The following PCDH15 variants were observed in gnomAD, a reference collection of about 807,000 sequenced individuals.
PCDH15 encodes the protein protocadherin related 15, also known as protocadherin-15.
Under a neutral mutation model 178.5 loss-of-function variants are expected in PCDH15, and 129 were observed. That is an observed-to-expected ratio of 0.72 (90% CI 0.63 to 0.84). The LOEUF (loss-of-function observed/expected upper bound fraction) is 0.84. Ranked by LOEUF, PCDH15 falls within the 40% of genes least tolerant of loss-of-function variation. The pLI is 0.00. For synonymous variants in PCDH15, 800 were observed against 732.0 expected, an observed-to-expected ratio of 1.09 and a Z score of -1.50; for missense variants, 2,230 against 2,099.9, an observed-to-expected ratio of 1.06 and a Z score of -1.21.
rs200878607 is a variant in PCDH15, at chr10:55,499,404, TACACACACACACACAC to T, written c.-156+128205_-156+128220del. Among the ~76,000 whole-genome samples the T allele has an allele frequency of 6.2e-3, 840 of 136,386 alleles. 9 individuals are homozygous for T. The highest frequency in any genetic ancestry group is 0.021 in the African/African-American group (797 of 37,250). The allele number at this position is 136,386 out of a possible 152,430, so 89.5% of individuals were successfully genotyped here. A position where few individuals can be genotyped will look rare whatever the true frequency, so the allele number is the denominator to read the frequency against. On this transcript the variant is annotated intron_variant, in intron 2 of 5. Transcript: ENST00000613346. The stretch of plus-strand genomic sequence containing the variant: ...CTATCTTCTTTTTATAGACTCTCCC[TACACACACACACACAC>T]ACACACACACACACACACACACACA...
At chr10:55,109,647 C>G (rs1837447966) in intron 2 of PCDH15, among the ~76,000 whole-genome samples, 1 of 152,066 alleles carries the variant, frequency 6.6e-6, no homozygotes, top group Non-Finnish European at 1.5e-5. Context: ...AAATTATTTT[C>G]ATTGTCTAAT....
At chr10:54,757,057 T>C (rs1303810121) in intron 1 of PCDH15, among the ~76,000 whole-genome samples, 2 of 152,216 alleles carry the variant, frequency 1.3e-5, no homozygotes, top group Non-Finnish European at 2.9e-5. Flanking sequence ...TAAATGTCTT[T>C]TGATAGCATG....
chr10:55,564,730 T>C (rs1006273884), intron 2 of PCDH15, among the ~76,000 whole-genome samples: 1 of 151,564 alleles, frequency 6.6e-6, no homozygotes, highest in Admixed American at 6.6e-5. Context: ...CCAGATAAAA[T>C]AGACTTTAAA....
chr10:54,421,086 C>T lies in PCDH15; in HGVS notation c.158-42144G>A, dbSNP rs112087939. Among the ~76,000 whole-genome samples, 384 of 152,128 alleles carry T rather than the reference C, an allele frequency of 2.5e-3. 2 individuals are homozygous for T. Among genetic ancestry groups the T allele is most frequent in the Middle Eastern group, 6.8e-3 (2 of 292 alleles). On this transcript the variant is annotated intron_variant, in intron 3 of 37. Coordinates refer to ENST00000644397, the MANE Select transcript of PCDH15 (RefSeq NM_001384140.1). The stretch of plus-strand genomic sequence containing the variant: ...TTCAGTTACTTAATATTATGTTTTG[C>T]CTCAATAAATAATAGTACTTTCTCT...
intron 2 of PCDH15, among the ~76,000 whole-genome samples, chr10:55,069,673 A>G (rs1051201994): frequency 9.0e-5 from 13 of 144,358 alleles, no homozygotes; most frequent in African/African-American, 2.8e-4. Context: ...AATCCAGTCT[A>G]TCATTGTTGG....
intron 1 of PCDH15, among the ~76,000 whole-genome samples, chr10:55,310,004 T>C (rs1843539009): frequency 6.6e-6 from 1 of 152,154 alleles, no homozygotes; most frequent in Admixed American, 6.5e-5. Flanking sequence ...TTTCCTCCCA[T>C]CCTTGAAATG....
At chr10:53,981,014 CAAT>C in intron 21 of PCDH15, among the ~76,000 whole-genome samples, 1 of 151,930 alleles carries the variant, frequency 6.6e-6, no homozygotes, top group Admixed American at 6.6e-5. Context: ...GTGTAAAATT[CAAT>C]AATTATGAGT....
chr10:55,324,046 T>A (rs903085398), upstream of PCDH15, among the ~76,000 whole-genome samples: 22 of 151,808 alleles, frequency 1.4e-4, no homozygotes, highest in African/African-American at 5.3e-4. Context: ...CAAATGGGAG[T>A]TCCACTGCAC....
chr10:53,905,796 G>A (rs1223118915), intron 25 of PCDH15, among the ~76,000 whole-genome samples: 10 of 151,878 alleles, frequency 6.6e-5, no homozygotes, highest in Non-Finnish European at 1.3e-4. Flanking sequence ...AAAGGCCTAT[G>A]GATAACCCAA....
chr10:54,274,326 T>C (rs554586161), intron 8 of PCDH15, among the ~76,000 whole-genome samples: 1 of 152,074 alleles, frequency 6.6e-6, no homozygotes. Context: ...CCACCCACTT[T>C]GTAGTCTTAC....
chr10:55,281,537 T>C (rs1842733914), intron 1 of PCDH15, among the ~76,000 whole-genome samples: 1 of 152,134 alleles, frequency 6.6e-6, no homozygotes, highest in African/African-American at 2.4e-5. Flanking sequence ...AGATTCCGCC[T>C]ACCCTTTTTA....
At chr10:55,376,002 GTTTAGGACCATA>G (rs1445462970) in intron 2 of PCDH15, among the ~76,000 whole-genome samples, 1 of 151,450 alleles carries the variant, frequency 6.6e-6, no homozygotes, top group Non-Finnish European at 1.5e-5. Context: ...TAACATTTTA[GTTTAGGACCATA>G]TTTATCACAC....
At chr10:54,817,779 T>G (rs1236546855) in intron 3 of PCDH15, among the ~76,000 whole-genome samples, 1 of 152,054 alleles carries the variant, frequency 6.6e-6, no homozygotes, top group Non-Finnish European at 1.5e-5. Context: ...AATGCTAAAT[T>G]TACTAAGAGA....
intron 2 of PCDH15, among the ~76,000 whole-genome samples, chr10:55,046,348 T>A (rs1841005416): frequency 6.6e-6 from 1 of 151,944 alleles, no homozygotes; most frequent in African/African-American, 2.4e-5. Context: ...TGTGGTGATA[T>A]CTGAATGGTG....
At position 54,515,757 on chromosome 10, in the gene PCDH15, G is replaced by A. The variant is rs376630456; in HGVS notation, c.157+12055C>T. ...GTAGGGGCAGACTGACACCTCACACGGTCGGGTACTCCTCTGAGACAAAAC... is the reference window on the plus strand; with the variant it reads ...GTAGGGGCAGACTGACACCTCACACAGTCGGGTACTCCTCTGAGACAAAAC... On this transcript the variant is annotated intron_variant, in intron 3 of 37. Coordinates refer to ENST00000644397, the MANE Select transcript of PCDH15 (RefSeq NM_001384140.1). Among the ~76,000 whole-genome samples the A allele has an allele frequency of 1.7e-3, 259 of 152,322 alleles. 9 individuals carry two copies. The South Asian group carries it at 0.051, about 30-fold the overall frequency.
At chr10:55,008,584 G>A (rs1806394409) in intron 2 of PCDH15, among the ~76,000 whole-genome samples, 1 of 152,002 alleles carries the variant, frequency 6.6e-6, no homozygotes, top group African/African-American at 2.4e-5. Context: ...GTATTTGTAG[G>A]GTGGCAGAGT....
At chr10:54,608,001 T>C (rs768180667) in intron 2 of PCDH15, 7 of 474,152 alleles carry the variant, frequency 1.5e-5, no homozygotes, top group Admixed American at 2.5e-5. Flanking sequence ...ATTTTGGTTA[T>C]TGTGAGAAGA....
intron 18 of PCDH15, among the ~76,000 whole-genome samples, chr10:54,045,025 C>T (rs780683229): frequency 9.9e-5 from 15 of 152,058 alleles, no homozygotes; most frequent in Admixed American, 5.2e-4. Flanking sequence ...ATATACAGTA[C>T]CACCCAGCAG....
rs1837946313 is a variant in PCDH15 at position 55,128,013 on chromosome 10, T to C, written c.-80+38563A>G. On this transcript the variant is annotated intron_variant, in intron 2 of 5. Transcript: ENST00000458638. ...GTCTCTTTCTCCTCAGACTGGAGTA[T>C]ATTCAAGACTTTCCCCAGGCAATAA... Among the ~76,000 whole-genome samples, 3 of 152,186 alleles carry C rather than the reference T, an allele frequency of 2.0e-5. No individual in the cohort carries two copies. The South Asian group carries it at 6.2e-4, about 32-fold the overall frequency.
Sources: allele counts gnomAD v4.1 joint callset (sites outside exome capture counted in the v4.1 genomes callset), GRCh38; gene constraint gnomAD v4.1.1; transcripts MANE v1.5; gene names NCBI Gene and HGNC (gene_info 2026-07-23, HGNC 2026-07-21).